Variants in LHFPL2 observed in about 807,000 individuals in gnomAD.
LHFPL2 encodes the protein LHFPL tetraspan subfamily member 2, also known as LHFPL tetraspan subfamily member 2 protein.
Under a neutral mutation model 17.5 loss-of-function variants are expected in LHFPL2, and 7 were observed. The ratio of observed to expected loss-of-function variants is 0.40; its 90% CI spans 0.23 to 0.75. The LOEUF is 0.75. LHFPL2 is among the 30% of genes least tolerant of loss of function. The pLI, the probability that LHFPL2 is intolerant of heterozygous loss-of-function variation, is 0.37. For synonymous variants in LHFPL2, 134 were observed against 116.2 expected (o/e 1.15, Z -0.99); for missense variants, 241 against 294.8 (o/e 0.82, Z 1.34).
intron 3 of LHFPL2, among the ~76,000 whole-genome samples, chr5:78,524,205 T>C (rs950674511): frequency 1.3e-5 from 2 of 152,184 alleles, no homozygotes; most frequent in African/African-American, 2.4e-5. Context: ...GCCCAGGTTA[T>C]GCTCCTCGGC....
At chr5:78,571,335 C>G (rs1436743626) in intron 2 of LHFPL2, among the ~76,000 whole-genome samples, 2 of 152,150 alleles carry the variant, frequency 1.3e-5, no homozygotes, top group African/African-American at 4.8e-5. Flanking sequence ...CTTCCCAACT[C>G]CATGCATGAA....
chr5:78,525,052 T>C (rs1755575949), intron 3 of LHFPL2, among the ~76,000 whole-genome samples: 1 of 152,218 alleles, frequency 6.6e-6, no homozygotes, highest in Non-Finnish European at 1.5e-5. Context: ...GCTGGTCCTA[T>C]AAATTGAAGG....
chr5:78,627,515 C>T (rs77043895), intron 2 of LHFPL2, among the ~76,000 whole-genome samples: 9,647 of 152,176 alleles, frequency 0.063, 990 homozygotes, highest in African/African-American at 0.22. Context: ...TATTGCTCTC[C>T]TCCTCATCCT....
chr5:78,589,225 C>A (rs1743538715), intron 2 of LHFPL2, among the ~76,000 whole-genome samples: 3 of 152,124 alleles, frequency 2.0e-5, no homozygotes, highest in Admixed American at 2.0e-4. Flanking sequence ...AATCCCAGCA[C>A]TTTGGGAGGC....
chr5:78,565,659 A>G (rs1756840196), intron 2 of LHFPL2, among the ~76,000 whole-genome samples: 1 of 152,250 alleles, frequency 6.6e-6, no homozygotes, highest in Admixed American at 6.5e-5. Context: ...TTATAGGAAT[A>G]TATTACAACC....
chr5:78,584,995 GTTTTTTTTTTTTTTT>G (rs1163195083), intron 2 of LHFPL2, among the ~76,000 whole-genome samples: 4 of 40,528 alleles, frequency 9.9e-5, no homozygotes, highest in African/African-American at 2.4e-4. Flanking sequence ...GGTGCGCTGT[GTTTTTTTTTTTTTTT>G]TTTTTTTTTT....
At chr5:78,646,973 AAT>A (rs1345128940) in intron 1 of LHFPL2, among the ~76,000 whole-genome samples, 9 of 152,146 alleles carry the variant, frequency 5.9e-5, no homozygotes, top group Admixed American at 5.9e-4. Context: ...TACAACACAC[AAT>A]GTCTTTTTCC....
chr5:78,510,364 C>G lies in LHFPL2; in HGVS notation c.-151G>C. ...CCGGCCGCGTTCATGCTGGGGACAG[C>G]GCTCCCGGACCCAGAGCACCGCCTG... On this transcript the variant is annotated 5_prime_UTR_variant, in exon 4 of 5. Coordinates refer to ENST00000380345, the MANE Select transcript of LHFPL2 (RefSeq NM_005779.3). 1.3e-6 allele frequency: 1 copy of G among 774,220 alleles called. No individual in the cohort carries two copies. The allele number at this position is 774,220 out of a possible 1,614,324, so 48.0% of individuals were successfully genotyped here.
intron 2 of LHFPL2, among the ~76,000 whole-genome samples, chr5:78,627,753 G>T (rs1203155706): frequency 1.3e-5 from 2 of 152,168 alleles, no homozygotes; most frequent in Non-Finnish European, 2.9e-5. Flanking sequence ...CTGACAGAAG[G>T]CACAGCTCTG....
intron 4 of LHFPL2, among the ~76,000 whole-genome samples, chr5:78,493,739 C>T (rs907792240): frequency 2.0e-5 from 3 of 152,166 alleles, no homozygotes; most frequent in Admixed American, 1.3e-4. Context: ...TGTTCTAGGC[C>T]GGTGAGCCCT....
chr5:78,644,729 A>T, intron 1 of LHFPL2: 1 of 238,642 alleles, frequency 4.2e-6, no homozygotes, highest in Non-Finnish European at 8.7e-6. Flanking sequence ...TTCTTAGAAA[A>T]CTCTGAGGAG....
At chr5:78,502,116 T>C (rs762775727) in intron 4 of LHFPL2, among the ~76,000 whole-genome samples, 6 of 152,158 alleles carry the variant, frequency 3.9e-5, no homozygotes, top group African/African-American at 1.4e-4. Flanking sequence ...AAAAACACTC[T>C]CCAGGGTGGA....
chr5:78,507,245 G>A lies in LHFPL2; in HGVS notation c.430+2539C>T, dbSNP rs763578728. 3.3e-5 allele frequency among the ~76,000 whole-genome samples: 5 copies of A among 151,962 alleles called. No individual in the cohort carries two copies. In the South Asian group the frequency reaches 8.3e-4, roughly 25 times the overall value. ...CTTGGGAGGCTGAGGCAGGAGAATCGCTTGAAACTGGGAGGTGGAGGTTGC... is the reference window on the plus strand; with the variant it reads ...CTTGGGAGGCTGAGGCAGGAGAATCACTTGAAACTGGGAGGTGGAGGTTGC... On this transcript the variant is annotated intron_variant, in intron 4 of 4. Transcript: ENST00000380345.
chr5:78,584,947 G>A (rs1160759335), intron 2 of LHFPL2, among the ~76,000 whole-genome samples: 7 of 149,792 alleles, frequency 4.7e-5, no homozygotes, highest in African/African-American at 9.8e-5. Flanking sequence ...CTCCGTGGGC[G>A]TAGGAACCTC....
intron 2 of LHFPL2, among the ~76,000 whole-genome samples, chr5:78,608,969 A>T (rs536041415): frequency 6.6e-6 from 1 of 152,102 alleles, no homozygotes; most frequent in Admixed American, 6.6e-5. Flanking sequence ...ATAACATTAA[A>T]GTCAGCAAGA....
intron 1 of LHFPL2, among the ~76,000 whole-genome samples, chr5:78,639,196 G>T (rs578017415): frequency 6.6e-6 from 1 of 152,262 alleles, no homozygotes; most frequent in African/African-American, 2.4e-5. Flanking sequence ...TTATTATTCA[G>T]TGTGGCCTCT....
intron 2 of LHFPL2, among the ~76,000 whole-genome samples, chr5:78,597,515 C>T (rs1561358137): frequency 1.3e-5 from 2 of 152,068 alleles, no homozygotes; most frequent in African/African-American, 2.4e-5. Flanking sequence ...TTCAACATGA[C>T]GTAAGAGTTT....
At chr5:78,598,983 T>C (rs1743913778) in intron 2 of LHFPL2, among the ~76,000 whole-genome samples, 1 of 152,168 alleles carries the variant, frequency 6.6e-6, no homozygotes, top group South Asian at 2.1e-4. Flanking sequence ...GAACATACGG[T>C]AATTTCAGTA....
At chr5:78,525,092 A>G (rs1385199676) in intron 3 of LHFPL2, among the ~76,000 whole-genome samples, 1 of 152,278 alleles carries the variant, frequency 6.6e-6, no homozygotes, top group East Asian at 1.9e-4. Context: ...GCTTCTTCCC[A>G]CTATATGCCA....
Sources: gnomAD v4.1 joint callset for allele counts (sites outside exome capture counted in the v4.1 genomes callset) on GRCh38, gnomAD v4.1.1 for gene constraint, MANE v1.5 for transcripts, NCBI Gene and HGNC (gene_info 2026-07-23, HGNC 2026-07-21) for gene names.